DNAAF9: variants seen among roughly 807,000 people sequenced by gnomAD.
The protein encoded by DNAAF9 is dynein axonemal assembly factor 9, also known as shulin.
DNAAF9 carries 90 observed loss-of-function variants against 167.0 expected under a neutral mutation model. The ratio of observed to expected loss-of-function variants is 0.54; its 90% CI spans 0.45 to 0.64. DNAAF9 has a LOEUF of 0.64. DNAAF9 is among the 30% of genes least tolerant of loss of function. The pLI is 0.00. For missense variants in DNAAF9, 1,315 were observed against 1,442.2 expected (o/e 0.91, Z 1.43); for synonymous variants, 491 against 508.8 (o/e 0.96, Z 0.47).
At chr20:3,263,447 C>A (rs1021003790) in intron 31 of DNAAF9, among the ~76,000 whole-genome samples, 1 of 152,182 alleles carries the variant, frequency 6.6e-6, no homozygotes, top group African/African-American at 2.4e-5. Flanking sequence ...AGAGCAGAAA[C>A]AAATTGTCCA....
chr20:3,327,476 C>T (rs757050307), intron 12 of DNAAF9, among the ~76,000 whole-genome samples: 1 of 151,998 alleles, frequency 6.6e-6, no homozygotes, highest in African/African-American at 2.4e-5. Context: ...AGAGAAGGGG[C>T]TCATCCAAGG....
rs778981953 is a variant in DNAAF9 at position 3,374,087 on chromosome 20, C to T, written c.573G>A (p.Glu191=). Residue 191 remains glutamate (E), a synonymous_variant, in exon 6 of 37, where the codon GAG becomes GAA. Transcript: ENST00000252032. ...KWPIVQAFAL[E]GIGGDGFFTM... ...TAAAAAATCCATCCCCTCCAATGCC[C>T]TCAAGTGCAAAGGCCTGTACAATTG... is the stretch of plus-strand genomic sequence containing the variant. The T allele has an allele frequency of 3.0e-5, 48 of 1,613,624 alleles. No homozygotes were observed. The highest frequency in any genetic ancestry group is 3.8e-5 in the Non-Finnish European group (45 of 1,179,580).
At chr20:3,278,108 A>AAT (rs1400040413) in intron 29 of DNAAF9, among the ~76,000 whole-genome samples, 1 of 152,210 alleles carries the variant, frequency 6.6e-6, no homozygotes, top group Non-Finnish European at 1.5e-5. Flanking sequence ...CATCACAGAT[A>AAT]ATATGACTAG....
intron 6 of DNAAF9, among the ~76,000 whole-genome samples, chr20:3,372,320 G>T (rs2083521770): frequency 6.6e-6 from 1 of 152,154 alleles, no homozygotes; most frequent in South Asian, 2.1e-4. Context: ...CTGAGGTGGG[G>T]TAGAATGAAA....
intron 6 of DNAAF9, among the ~76,000 whole-genome samples, chr20:3,368,243 G>T (rs1458531257): frequency 1.3e-5 from 2 of 152,144 alleles, no homozygotes; most frequent in African/African-American, 4.8e-5. Flanking sequence ...AGTGCGCTGG[G>T]CACCACCTGG....
intron 6 of DNAAF9, chr20:3,362,291 G>T: frequency 8.8e-7 from 1 of 1,139,718 alleles, no homozygotes. Flanking sequence ...AAATTGCAAG[G>T]GACTTTTACT....
chr20:3,318,349 A>C lies in DNAAF9; in HGVS notation c.1408T>G (p.Leu470Val). 1 of 1,608,430 alleles carries C rather than the reference A, an allele frequency of 6.2e-7. No individual in the cohort carries two copies. Among genetic ancestry groups the C allele is most frequent in the Non-Finnish European group, 8.5e-7 (1 of 1,174,970 alleles). ...GATTCAGAGAAAACCACAGATCCTA[A>C]ACAACCATTGCCTCCCAGTAAGTCA... ...IPDLLGGNGC[L>V]GSVVFSESFL... Residue 470 changes from leucine to valine, a missense_variant, in exon 17 of 37, where the codon TTA becomes GTA. Leu to Val is a conservative substitution (Grantham distance 32). Coordinates refer to ENST00000252032, the MANE Select transcript of DNAAF9 (RefSeq NM_001009984.3).
intron 27 of DNAAF9, among the ~76,000 whole-genome samples, chr20:3,282,653 A>G (rs543624871): frequency 6.6e-6 from 1 of 152,304 alleles, no homozygotes; most frequent in East Asian, 1.9e-4. Flanking sequence ...CCCCCTATGG[A>G]GCAGCAAAGA....
At chr20:3,336,252 G>GTTTGTTT (rs2069940690) in intron 10 of DNAAF9, among the ~76,000 whole-genome samples, 3 of 81,444 alleles carry the variant, frequency 3.7e-5, no homozygotes, top group East Asian at 6.7e-4. Context: ...ACAGTTTTGC[G>GTTTGTTT]TTTTTGTTTT....
At chr20:3,360,698 C>T (rs560301879) in intron 6 of DNAAF9, among the ~76,000 whole-genome samples, 17 of 152,238 alleles carry the variant, frequency 1.1e-4, no homozygotes, top group African/African-American at 4.1e-4. Context: ...AAGGCATGCA[C>T]CGGATTCAAG....
Position 3,375,039 on chromosome 20 carries a change from T to A in DNAAF9, c.496A>T (p.Ser166Cys). 1 of 1,583,676 alleles carries A rather than the reference T, an allele frequency of 6.3e-7. No homozygotes were observed. The highest frequency in any genetic ancestry group is 8.7e-7 in the Non-Finnish European group (1 of 1,152,442). ...GCTGTCAGATACTCACCTTGGGAGC[T>A]GTAAGGAATGCCAATTCTACTACAG... The part of the protein sequence containing the change: ...RDCSRIGIPY[S>C]SQGHLQIFDM... Residue 166 changes from serine (S) to cysteine (C), a missense_variant, in exon 5 of 37, where the codon AGC (serine) becomes TGC (cysteine). Around this residue, in one of 2 missense-constraint regions of DNAAF9, gnomAD observed 981 missense variants for 1,012.5 expected, o/e 0.97. Coordinates refer to ENST00000252032, the MANE Select transcript of DNAAF9 (RefSeq NM_001009984.3).
chr20:3,274,391 C>T (rs2068643875), intron 29 of DNAAF9, among the ~76,000 whole-genome samples: 1 of 152,178 alleles, frequency 6.6e-6, no homozygotes, highest in Non-Finnish European at 1.5e-5. Context: ...GATCCACCTG[C>T]CTTGGCCTCC....
chr20:3,395,582 A>C (rs1347997236), intron 1 of DNAAF9, among the ~76,000 whole-genome samples: 2 of 152,052 alleles, frequency 1.3e-5, no homozygotes, highest in Non-Finnish European at 2.9e-5. Flanking sequence ...ACCTGGCCTG[A>C]ACATTTTGTC....
At chr20:3,352,177 AT>A (rs2070338217) in intron 7 of DNAAF9, among the ~76,000 whole-genome samples, 1 of 152,192 alleles carries the variant, frequency 6.6e-6, no homozygotes, top group Non-Finnish European at 1.5e-5. Context: ...CTCTCAACTT[AT>A]TTTTACATAG....
intron 10 of DNAAF9, among the ~76,000 whole-genome samples, 159 bp from the exon 11 acceptor site, chr20:3,332,520 C>T (rs534865682): frequency 6.6e-6 from 1 of 151,382 alleles, no homozygotes; most frequent in South Asian, 2.1e-4. Context: ...GTGGCGCAAT[C>T]TCAGATCATT....
At position 3,316,754 on chromosome 20, in the gene DNAAF9, G is replaced by C. The variant is rs775981540; in HGVS notation, c.1508C>G (p.Thr503Ser). 1.9e-6 allele frequency: 3 copies of C among 1,613,732 alleles called. No homozygotes were observed. The African/African-American group carries it at 4.0e-5, about 22-fold the overall frequency. Residue 503 changes from threonine to serine, a missense_variant, in exon 18 of 37, where the codon ACT (threonine) becomes AGT (serine). By Grantham distance (58) the Thr-to-Ser change is moderately conservative (BLOSUM62 1). Coordinates refer to ENST00000252032, the MANE Select transcript of DNAAF9 (RefSeq NM_001009984.3). The stretch of plus-strand genomic sequence containing the variant: ...GGAGCAGAATCTGGGTACAGCAGCA[G>C]TCAGGACTACGGAGCTGGTTTCTGT... Reference protein sequence around the residue: ...VTTETSSVVLTAAVPRFCSWL... With the variant: ...VTTETSSVVLSAAVPRFCSWL...
At chr20:3,391,369 C>T (rs886908709) in intron 1 of DNAAF9, among the ~76,000 whole-genome samples, 4 of 152,102 alleles carry the variant, frequency 2.6e-5, no homozygotes, top group African/African-American at 9.7e-5. Flanking sequence ...CCCACACTCC[C>T]AGCAGCCGGA....
At position 3,253,786 on chromosome 20, in the gene DNAAF9, A is replaced by C; in HGVS notation, c.3361T>G (p.Tyr1121Asp). ...KRHLEPLPAG[Y>D]FYNGTQFVNF... The stretch of plus-strand genomic sequence containing the variant: ...ACAAATTGGGTGCCATTATAAAAGT[A>C]GCCTGCAGGTAGGGGTTCCAAGTGG... The change falls in exon 36 of 37, where the codon TAC becomes GAC. Residue 1121 changes from tyrosine (Y) to aspartate (D), a missense_variant. Physicochemically the swap from Tyr to Asp is radical, Grantham distance 160. Coordinates refer to ENST00000252032, the MANE Select transcript of DNAAF9 (RefSeq NM_001009984.3). 1 of 1,612,606 alleles carries C rather than the reference A, an allele frequency of 6.2e-7. No individual in the cohort carries two copies. Among genetic ancestry groups the C allele is most frequent in the Non-Finnish European group, 8.5e-7 (1 of 1,178,548 alleles).
Position 3,287,709 on chromosome 20 carries a change from T to C in DNAAF9, c.2409A>G (p.Leu803=), listed in dbSNP as rs375063934. The part of the protein sequence containing the change: ...AHFQRYLSSA[L]EAQQNRSARQ... ...GCGCAGAGCGGTTCTGCTGGGCCTC[T>C]AGGGCACTGGAAAGGTATCTCTGGA... Residue 803 remains leucine (L), a synonymous_variant, in exon 27 of 37, where the codon CTA becomes CTG. Transcript: ENST00000252032. 15 of 1,614,092 alleles carry C rather than the reference T, an allele frequency of 9.3e-6. No individual in the cohort carries two copies. Among genetic ancestry groups the C allele is most frequent in the Non-Finnish European group, 1.2e-5 (14 of 1,180,026 alleles).
Sources: gnomAD v4.1 joint callset for allele counts (sites outside exome capture counted in the v4.1 genomes callset) on GRCh38, gnomAD v4.1.1 for gene constraint, gnomAD v4.1.1 regional missense constraint, MANE v1.5 for transcripts, NCBI Gene and HGNC (gene_info 2026-07-23, HGNC 2026-07-21) for gene names.